Variants in SLCO3A1 observed in about 807,000 individuals in gnomAD.
The protein encoded by SLCO3A1 is solute carrier organic anion transporter family member 3A1, also known as PGE1 transporter.
SLCO3A1 carries 27 observed loss-of-function variants against 63.1 expected under a neutral mutation model. The ratio of observed to expected loss-of-function variants is 0.43; its 90% CI spans 0.32 to 0.59. The LOEUF (loss-of-function observed/expected upper bound fraction) is 0.59, where lower values mean the gene tolerates loss of function less well. Among genes scored for constraint, SLCO3A1 ranks in the 20% least tolerant of loss-of-function variants. The pLI is 0.09. For missense variants in SLCO3A1, 773 were observed against 945.8 expected, an observed-to-expected ratio of 0.82 and a Z score of 2.40; for synonymous variants, 473 against 409.9, an observed-to-expected ratio of 1.15 and a Z score of -1.86.
At chr15:92,148,078 C>T (rs918052417) in intron 8 of SLCO3A1, among the ~76,000 whole-genome samples, 1 of 152,158 alleles carries the variant, frequency 6.6e-6, no homozygotes, top group Non-Finnish European at 1.5e-5. Context: ...CGTGTTGGCA[C>T]ATGCTTGTAA....
intron 2 of SLCO3A1, among the ~76,000 whole-genome samples, chr15:91,961,451 CT>C (rs1900442493): frequency 2.0e-5 from 3 of 152,224 alleles, no homozygotes; most frequent in Admixed American, 2.0e-4. Context: ...TCTGGTTCTA[CT>C]CTGAGGAAAG....
chr15:91,969,615 C>T lies in SLCO3A1; in HGVS notation c.646+53157C>T, dbSNP rs377345758. ...AGCCACAGTGCCTGGCCTCTTGTTA[C>T]AATTATTGTTGTCTTTCTATCAAAA... On this transcript the variant is annotated intron_variant, in intron 2 of 9. Transcript: ENST00000318445. 7.9e-5 allele frequency among the ~76,000 whole-genome samples: 12 copies of T among 152,250 alleles called. No homozygotes were observed. In the East Asian group the frequency reaches 1.4e-3, roughly 17 times the overall value.
chr15:92,050,473 T>C (rs1392530466), intron 2 of SLCO3A1, among the ~76,000 whole-genome samples: 1 of 152,194 alleles, frequency 6.6e-6, no homozygotes, highest in Non-Finnish European at 1.5e-5. Context: ...ATTCAGGAAA[T>C]GCCTCCTGCT....
At chr15:92,148,636 A>ATGAC (rs1183587430) in intron 8 of SLCO3A1, 1 of 152,356 alleles carries the variant, frequency 6.6e-6, no homozygotes, top group East Asian at 1.9e-4. Context: ...AAAAAGCAAT[A>ATGAC]TGACAGTGTG....
chr15:91,971,608 ATG>A (rs1163491433), intron 2 of SLCO3A1, among the ~76,000 whole-genome samples: 1 of 152,028 alleles, frequency 6.6e-6, no homozygotes, highest in Non-Finnish European at 1.5e-5. Context: ...CAGAGAAAAT[ATG>A]TGTGTTAAAG....
chr15:91,915,463 G>T (rs1056527445), intron 1 of SLCO3A1, among the ~76,000 whole-genome samples: 1 of 152,144 alleles, frequency 6.6e-6, no homozygotes, highest in African/African-American at 2.4e-5. Flanking sequence ...TGATTACCCC[G>T]CTGGGCTGAT....
chr15:92,038,011 G>A (rs1177211428), intron 2 of SLCO3A1, among the ~76,000 whole-genome samples: 1 of 152,184 alleles, frequency 6.6e-6, no homozygotes, highest in Non-Finnish European at 1.5e-5. Flanking sequence ...AATGCCTCCT[G>A]TGCTCCTTAC....
intron 9 of SLCO3A1, among the ~76,000 whole-genome samples, chr15:92,152,256 TC>T (rs1172705424): frequency 6.6e-6 from 1 of 152,246 alleles, no homozygotes; most frequent in Non-Finnish European, 1.5e-5. Flanking sequence ...ATTAAGGTCC[TC>T]CCTGGGGAAT....
intron 2 of SLCO3A1, among the ~76,000 whole-genome samples, chr15:91,989,995 ACT>A (rs1023176447): frequency 2.0e-5 from 3 of 152,206 alleles, no homozygotes; most frequent in African/African-American, 7.2e-5. Context: ...TTCAAAATCC[ACT>A]GTCAGATGAC....
At chr15:92,143,851 G>A (rs1227762140) in intron 7 of SLCO3A1, among the ~76,000 whole-genome samples, 1 of 152,136 alleles carries the variant, frequency 6.6e-6, no homozygotes, top group Non-Finnish European at 1.5e-5. Context: ...CCCTGGCACA[G>A]GTGGGTGAGT....
At chr15:91,999,659 G>T (rs921913645) in intron 2 of SLCO3A1, among the ~76,000 whole-genome samples, 2 of 152,242 alleles carry the variant, frequency 1.3e-5, no homozygotes, top group African/African-American at 2.4e-5. Flanking sequence ...AGGGGCAGTG[G>T]TGCATGCCTG....
intron 4 of SLCO3A1, among the ~76,000 whole-genome samples, chr15:92,113,640 A>C (rs1353962583): frequency 1.3e-5 from 2 of 152,160 alleles, no homozygotes; most frequent in Non-Finnish European, 2.9e-5. Flanking sequence ...GTTAGGAGGC[A>C]AGTTCATCCG....
intron 3 of SLCO3A1, among the ~76,000 whole-genome samples, chr15:92,098,812 A>G (rs897696238): frequency 5.9e-5 from 9 of 152,284 alleles, no homozygotes; most frequent in African/African-American, 2.2e-4. Context: ...TCGCACACAC[A>G]TCCTGAGTCT....
chr15:91,969,625 TGTC>T (rs1339626879), intron 2 of SLCO3A1, among the ~76,000 whole-genome samples: 3 of 152,196 alleles, frequency 2.0e-5, no homozygotes, highest in Non-Finnish European at 4.4e-5. Flanking sequence ...CAATTATTGT[TGTC>T]TTTCTATCAA....
intron 7 of SLCO3A1, among the ~76,000 whole-genome samples, chr15:92,136,310 G>A (rs1348106598): frequency 6.6e-6 from 1 of 152,028 alleles, no homozygotes; most frequent in Admixed American, 6.6e-5. Context: ...CAATTAATAG[G>A]GATCGATCAT....
rs1295984421 is a variant in SLCO3A1, at chr15:92,032,259, A to G, written c.647-62622A>G. 2.0e-5 allele frequency among the ~76,000 whole-genome samples: 3 copies of G among 151,882 alleles called. No homozygotes were observed. In the East Asian group the frequency reaches 5.8e-4, roughly 29 times the overall value. Reference sequence around the variant, plus strand: ...CCATGTGCAGGCGTGTGGCAGGGGGAGAATGAGGGAGCAGTGGGGCCAGGT... The same window carrying G: ...CCATGTGCAGGCGTGTGGCAGGGGGGGAATGAGGGAGCAGTGGGGCCAGGT... On this transcript the variant is annotated intron_variant, in intron 2 of 9. Coordinates refer to ENST00000318445, the MANE Select transcript of SLCO3A1 (RefSeq NM_013272.4).
intron 3 of SLCO3A1, among the ~76,000 whole-genome samples, chr15:92,103,675 C>T (rs760744702): frequency 3.3e-5 from 5 of 152,032 alleles, no homozygotes; most frequent in Non-Finnish European, 5.9e-5. Flanking sequence ...CTGCCATCAT[C>T]CTAGATGTTA....
chr15:92,147,162 A>G lies in SLCO3A1; in HGVS notation c.1688+3A>G. 1 of 1,608,576 alleles carries G rather than the reference A, an allele frequency of 6.2e-7. No homozygotes were observed. Among genetic ancestry groups the G allele is most frequent in the Non-Finnish European group, 8.5e-7 (1 of 1,176,976 alleles). Reference sequence around the variant, plus strand: ...CCCTCAGTCATCATCCTCATCAGGTAAGCCCTCGGCACAGCCCCGCCTCTC... The same window carrying G: ...CCCTCAGTCATCATCCTCATCAGGTGAGCCCTCGGCACAGCCCCGCCTCTC... On this transcript the variant is annotated splice_donor_region_variant and intron_variant, in intron 8 of 9. Transcript: ENST00000318445.
chr15:91,987,793 A>T (rs1429923187), intron 2 of SLCO3A1, among the ~76,000 whole-genome samples: 1 of 151,926 alleles, frequency 6.6e-6, no homozygotes, highest in Non-Finnish European at 1.5e-5. Context: ...AGCTCAAATG[A>T]CATTCTGACA....
Sources: gnomAD v4.1 joint callset for allele counts (sites outside exome capture counted in the v4.1 genomes callset) on GRCh38, gnomAD v4.1.1 for gene constraint, MANE v1.5 for transcripts, NCBI Gene and HGNC (gene_info 2026-07-23, HGNC 2026-07-21) for gene names.